The following LMNTD1 variants were observed in gnomAD, a reference collection of about 807,000 sequenced individuals.
LMNTD1 encodes lamin tail domain-containing protein 1.
LMNTD1 carries 35 observed loss-of-function variants against 50.9 expected under a neutral mutation model. The ratio of observed to expected loss-of-function variants is 0.69; its 90% CI spans 0.53 to 0.91. LMNTD1 has a LOEUF of 0.91. Among genes scored for constraint, LMNTD1 ranks in the 40% least tolerant of loss-of-function variants. The pLI is 0.00. For missense variants in LMNTD1, 470 were observed against 475.5 expected, an observed-to-expected ratio of 0.99 and a Z score of 0.11; for synonymous variants, 153 against 161.9, an observed-to-expected ratio of 0.94 and a Z score of 0.42.
At position 25,543,562 on chromosome 12, in the gene LMNTD1, AT is replaced by A. The variant is rs377048200; in HGVS notation, c.491+2811del. ...GCCAACTTTTTGTTTGTTGATCTAT[AT>A]TTTTTGGTCTCAATTTCATTTATTT... On this transcript the variant is annotated intron_variant, in intron 4 of 9. Coordinates refer to ENST00000458174, the MANE Select transcript of LMNTD1 (RefSeq NM_001145728.2). Among the ~76,000 whole-genome samples the A allele has an allele frequency of 3.8e-3, 574 of 151,526 alleles. 4 individuals are homozygous for A. The highest frequency in any genetic ancestry group is 0.014 in the African/African-American group (561 of 41,360).
intron 1 of LMNTD1, among the ~76,000 whole-genome samples, chr12:25,608,963 A>C (rs985292831): frequency 2.6e-5 from 4 of 152,184 alleles, no homozygotes; most frequent in African/African-American, 9.7e-5. Flanking sequence ...TACACCAATC[A>C]AACGTAGATT....
chr12:25,633,392 T>C (rs1946761643), intron 1 of LMNTD1, among the ~76,000 whole-genome samples: 1 of 152,062 alleles, frequency 6.6e-6, no homozygotes, highest in Non-Finnish European at 1.5e-5. Flanking sequence ...CAACAGCACA[T>C]AGAAATTTCT....
chr12:25,614,473 C>A (rs1877146), intron 1 of LMNTD1, among the ~76,000 whole-genome samples: 14,043 of 152,086 alleles, frequency 0.092, 1,019 homozygotes, highest in African/African-American at 0.21. Context: ...GAGTAGTCAT[C>A]CATGAACTGA....
intron 1 of LMNTD1, among the ~76,000 whole-genome samples, chr12:25,587,458 G>A (rs1017911378): frequency 6.6e-6 from 1 of 152,244 alleles, no homozygotes; most frequent in Non-Finnish European, 1.5e-5. Flanking sequence ...GCAGAAGCAA[G>A]AGAGAGGTGG....
chr12:25,560,485 C>T (rs912942660), intron 1 of LMNTD1, among the ~76,000 whole-genome samples: 1 of 152,162 alleles, frequency 6.6e-6, no homozygotes, highest in Non-Finnish European at 1.5e-5. Context: ...ATGATGCCTC[C>T]AGCTTTGCTT....
chr12:25,605,404 T>A (rs1946075818), intron 1 of LMNTD1, among the ~76,000 whole-genome samples: 2 of 152,180 alleles, frequency 1.3e-5, no homozygotes, highest in African/African-American at 2.4e-5. Flanking sequence ...GTTTTAAACA[T>A]GAAGTCCTTG....
intron 1 of LMNTD1, among the ~76,000 whole-genome samples, chr12:25,619,011 C>T (rs949470495): frequency 6.6e-6 from 1 of 152,146 alleles, no homozygotes; most frequent in Non-Finnish European, 1.5e-5. Context: ...CTTTGCCCTG[C>T]CATTGTAAGA....
chr12:25,555,407 A>T (rs1411908763), upstream of LMNTD1, among the ~76,000 whole-genome samples: 1 of 152,244 alleles, frequency 6.6e-6, no homozygotes, highest in East Asian at 1.9e-4. Context: ...TACAGGAAAC[A>T]GAAGAGCACA....
intron 8 of LMNTD1, among the ~76,000 whole-genome samples, chr12:25,506,698 T>C (rs1378869686): frequency 6.6e-6 from 1 of 150,890 alleles, no homozygotes; most frequent in East Asian, 1.9e-4. Context: ...GCCTTTGTGC[T>C]CTAACAGCTC....
chr12:25,615,116 C>CA (rs1946326137), intron 1 of LMNTD1, among the ~76,000 whole-genome samples: 1 of 152,106 alleles, frequency 6.6e-6, no homozygotes, highest in Non-Finnish European at 1.5e-5. Context: ...TAATAGTGGC[C>CA]AAACAAAATG....
At chr12:25,581,488 C>T (rs1321762920) in intron 1 of LMNTD1, among the ~76,000 whole-genome samples, 1 of 152,104 alleles carries the variant, frequency 6.6e-6, no homozygotes, top group Non-Finnish European at 1.5e-5. Context: ...TTGAGCACCT[C>T]TAAATCACAG....
At chr12:25,518,472 C>G (rs1393134969) in intron 8 of LMNTD1, among the ~76,000 whole-genome samples, 1 of 140,712 alleles carries the variant, frequency 7.1e-6, no homozygotes, top group Non-Finnish European at 1.6e-5. Flanking sequence ...ACAGTTTTTG[C>G]TGCCTGATGA....
chr12:25,526,915 C>T lies in LMNTD1; in HGVS notation c.532G>A (p.Gly178Ser). The T allele has an allele frequency of 6.2e-7, 1 of 1,610,180 alleles. No homozygotes were observed. The highest frequency in any genetic ancestry group is 8.5e-7 in the Non-Finnish European group (1 of 1,178,310). The change falls in exon 5 of 10, where the codon GGT becomes AGT. Residue 178 changes from glycine to serine, a missense_variant. By Grantham distance (56) the Gly-to-Ser change is moderately conservative. Transcript: ENST00000458174. ...GAGTTAATGAGCTTCACGAACAAAC[C>T]CTTGACATTCACTTCAGCTATTTCA... ...DVEIAEVNVK[G>S]LFVKLINSSL...
intron 8 of LMNTD1, among the ~76,000 whole-genome samples, chr12:25,505,359 T>C (rs890842221): frequency 6.6e-6 from 1 of 152,216 alleles, no homozygotes; most frequent in Non-Finnish European, 1.5e-5. Flanking sequence ...TGTTTTGTAA[T>C]ATTGAAATGT....
intron 2 of LMNTD1, among the ~76,000 whole-genome samples, chr12:25,550,651 T>C (rs1329511199): frequency 6.6e-6 from 1 of 152,214 alleles, no homozygotes; most frequent in African/African-American, 2.4e-5. Flanking sequence ...TTCAGGTTCT[T>C]ACAGGAGAAT....
chr12:25,546,351 A>G (rs764164553), intron 4 of LMNTD1, 23 bp downstream of exon 4: 3 of 1,492,488 alleles, frequency 2.0e-6, no homozygotes, highest in South Asian at 1.3e-5. Context: ...GAAGATACTA[A>G]GTAGTTCAAA....
intron 1 of LMNTD1, among the ~76,000 whole-genome samples, chr12:25,615,553 C>T (rs572143023): frequency 2.0e-5 from 3 of 152,094 alleles, no homozygotes; most frequent in South Asian, 4.2e-4. Flanking sequence ...CCTTTGCCTT[C>T]CAGACTGAAG....
chr12:25,508,607 G>T (rs778017864), intron 8 of LMNTD1, among the ~76,000 whole-genome samples: 7 of 152,076 alleles, frequency 4.6e-5, no homozygotes, highest in Non-Finnish European at 1.0e-4. Flanking sequence ...ATATTTTGGT[G>T]CACATATGTA....
At chr12:25,522,427 G>A (rs915439642) in intron 6 of LMNTD1, among the ~76,000 whole-genome samples, 14 of 152,170 alleles carry the variant, frequency 9.2e-5, no homozygotes, top group Admixed American at 2.6e-4. Context: ...GCTCTAGAAT[G>A]TCGGCCACAT....
Sources: gnomAD v4.1 joint callset for allele counts (sites outside exome capture counted in the v4.1 genomes callset) on GRCh38, gnomAD v4.1.1 for gene constraint, MANE v1.5 for transcripts, NCBI Gene and HGNC (gene_info 2026-07-23, HGNC 2026-07-21) for gene names.